The following CALN1 variants were observed in gnomAD, a reference collection of about 807,000 sequenced individuals.
CALN1 encodes calneuron 1.
Under a neutral mutation model 30.6 loss-of-function variants are expected in CALN1, and 17 were observed. The ratio of observed to expected loss-of-function variants is 0.56; its 90% CI spans 0.38 to 0.83. The LOEUF is 0.83. Ranked by LOEUF, CALN1 falls within the 40% of genes least tolerant of loss-of-function variation. The pLI is 0.00. For synonymous variants in CALN1, 156 were observed against 131.4 expected (o/e 1.19, Z -1.28); for missense variants, 291 against 354.9 (o/e 0.82, Z 1.45).
At chr7:71,818,428 G>A (rs547467732) in intron 5 of CALN1, among the ~76,000 whole-genome samples, 1 of 152,274 alleles carries the variant, frequency 6.6e-6, no homozygotes, top group East Asian at 1.9e-4. Context: ...GTAGCCAGGA[G>A]AAGGTGGGAA....
At chr7:72,355,982 A>C (rs1044789985) in intron 2 of CALN1, among the ~76,000 whole-genome samples, 5 of 152,248 alleles carry the variant, frequency 3.3e-5, no homozygotes, top group African/African-American at 1.2e-4. Flanking sequence ...GCCTTAAAAA[A>C]AATTATGGTT....
chr7:72,285,171 G>C (rs896745855), intron 2 of CALN1, among the ~76,000 whole-genome samples: 1 of 152,156 alleles, frequency 6.6e-6, no homozygotes, highest in African/African-American at 2.4e-5. Context: ...CTAAGCACTT[G>C]ACCAGTGGAC....
At chr7:71,982,302 A>G (rs1036540561) in intron 5 of CALN1, among the ~76,000 whole-genome samples, 16 of 152,212 alleles carry the variant, frequency 1.1e-4, no homozygotes, top group African/African-American at 3.9e-4. Context: ...AGATATTAAA[A>G]TGCAAGGGTC....
chr7:71,899,551 A>G (rs1185776358), intron 5 of CALN1, among the ~76,000 whole-genome samples: 1 of 152,216 alleles, frequency 6.6e-6, no homozygotes, highest in Non-Finnish European at 1.5e-5. Context: ...ATAAATATTT[A>G]GACAGGGATT....
chr7:71,884,538 G>A (rs1792784102), intron 5 of CALN1, among the ~76,000 whole-genome samples: 1 of 152,056 alleles, frequency 6.6e-6, no homozygotes, highest in South Asian at 2.1e-4. Flanking sequence ...TCTCTCGGTG[G>A]TGGTGATGGT....
intron 4 of CALN1, among the ~76,000 whole-genome samples, chr7:72,099,133 GC>G (rs1563056465): frequency 6.6e-6 from 1 of 152,116 alleles, no homozygotes; most frequent in African/African-American, 2.4e-5. Context: ...TGGTGTGTGG[GC>G]CAGACCTGCT....
chr7:72,484,727 C>T, the CALN1 span, among the ~76,000 whole-genome samples: 57 of 152,216 alleles, frequency 3.7e-4, no homozygotes, highest in Non-Finnish European at 7.1e-4. Flanking sequence ...GGCTTCCTGG[C>T]TCTGCCTGGG....
intron 4 of CALN1, among the ~76,000 whole-genome samples, chr7:72,091,570 C>T (rs1805865435): frequency 6.6e-6 from 1 of 152,080 alleles, no homozygotes; most frequent in Non-Finnish European, 1.5e-5. Flanking sequence ...AAAATTAATT[C>T]CCTATAATTA....
intron 5 of CALN1, among the ~76,000 whole-genome samples, chr7:71,812,252 C>T (rs1199341605): frequency 1.3e-5 from 2 of 152,124 alleles, no homozygotes; most frequent in East Asian, 3.9e-4. Context: ...TTTGCTACGG[C>T]AGCATAACTT....
intron 5 of CALN1, among the ~76,000 whole-genome samples, chr7:71,839,263 G>A (rs1309734103): frequency 2.6e-5 from 4 of 152,124 alleles, no homozygotes; most frequent in Non-Finnish European, 5.9e-5. Flanking sequence ...TTTGGGCCAG[G>A]TGCTCATGCC....
intron 5 of CALN1, among the ~76,000 whole-genome samples, chr7:71,900,668 A>G (rs987768208): frequency 6.6e-6 from 1 of 152,184 alleles, no homozygotes; most frequent in Non-Finnish European, 1.5e-5. Flanking sequence ...GATGTTCCAG[A>G]AGGGGGCTAG....
intron 3 of CALN1, among the ~76,000 whole-genome samples, chr7:72,147,485 G>GTCGAGAAATAGGAACAGTT (rs1786849775): frequency 1.1e-5 from 1 of 88,818 alleles, no homozygotes. Flanking sequence ...GGAGAGGACT[G>GTCGAGAAATAGGAACAGTT]TTACACTGTT....
At chr7:72,184,744 T>C (rs1790061252) in intron 3 of CALN1, among the ~76,000 whole-genome samples, 1 of 152,186 alleles carries the variant, frequency 6.6e-6, no homozygotes, top group African/African-American at 2.4e-5. Context: ...CTGAGTATTC[T>C]GCAGGTACTT....
intron 3 of CALN1, among the ~76,000 whole-genome samples, chr7:72,200,212 A>G (rs1228119259): frequency 6.6e-6 from 1 of 152,128 alleles, no homozygotes; most frequent in Non-Finnish European, 1.5e-5. Context: ...GACAGCATGT[A>G]TGGTGACATG....
intron 3 of CALN1, among the ~76,000 whole-genome samples, chr7:72,198,586 A>AC (rs1021187523): frequency 6.7e-6 from 1 of 150,216 alleles, no homozygotes; most frequent in African/African-American, 2.5e-5. Context: ...TGCTATAACC[A>AC]CCCCCCACCC....
At position 72,062,536 on chromosome 7, in the gene CALN1, A is replaced by T. The variant is rs566965659; in HGVS notation, c.389-38767T>A. 3.0e-3 allele frequency among the ~76,000 whole-genome samples: 443 copies of T among 149,642 alleles called. 2 individuals carry two copies. Among genetic ancestry groups the T allele is most frequent in the African/African-American group, 9.6e-3 (384 of 40,142 alleles). On this transcript the variant is annotated intron_variant, in intron 4 of 6. Coordinates refer to ENST00000395275, the MANE Select transcript of CALN1 (RefSeq NM_031468.4). ...CAAAAAAAAAAAAAAAAAAAGAAAA[A>T]AAATAAATAAATAAAATGATACCAG...
chr7:72,273,219 G>C (rs964798596), intron 3 of CALN1, among the ~76,000 whole-genome samples: 20 of 152,208 alleles, frequency 1.3e-4, no homozygotes, highest in African/African-American at 4.8e-4. Context: ...AGATCACAAG[G>C]TCAGGAGTTC....
At chr7:72,399,996 T>C (rs972197676) in intron 2 of CALN1, among the ~76,000 whole-genome samples, 5 of 152,204 alleles carry the variant, frequency 3.3e-5, no homozygotes, top group Non-Finnish European at 5.9e-5. Context: ...CGTTCCACTA[T>C]GATTAGAACC....
chr7:72,137,046 G>A (rs1428651043), intron 3 of CALN1, among the ~76,000 whole-genome samples: 1 of 152,176 alleles, frequency 6.6e-6, no homozygotes, highest in East Asian at 1.9e-4. Context: ...GGGGCTTCTG[G>A]CCAAGTTAGG....
Sources: allele counts gnomAD v4.1 joint callset (sites outside exome capture counted in the v4.1 genomes callset), GRCh38; gene constraint gnomAD v4.1.1; transcripts MANE v1.5; gene names NCBI Gene and HGNC (gene_info 2026-07-23, HGNC 2026-07-21).